TDRD1: variants seen among roughly 807,000 people sequenced by gnomAD.
The protein encoded by TDRD1 is tudor domain containing 1.
A neutral mutation model predicts 140.6 loss-of-function variants in TDRD1; 37 were observed. The observed-to-expected ratio is 0.26, with a 90% confidence interval of 0.20 to 0.35. The LOEUF is 0.35. Ranked by LOEUF, TDRD1 falls within the 10% of genes least tolerant of loss-of-function variation. The pLI is 1.00. For missense variants in TDRD1, 1,243 were observed against 1,393.0 expected (o/e 0.89, Z 1.71); for synonymous variants, 506 against 475.7 (o/e 1.06, Z -0.83).
At chr10:114,208,627 CTG>C in intron 11 of TDRD1, among the ~76,000 whole-genome samples, 1 of 152,270 alleles carries the variant, frequency 6.6e-6, no homozygotes, top group Middle Eastern at 3.4e-3. Flanking sequence ...ATTTATGACA[CTG>C]TAGCTCCTGA....
exon 19 of TDRD1, chr10:114,220,721 T>A (rs781619845): frequency 1.2e-6 from 2 of 1,613,720 alleles, no homozygotes; most frequent in East Asian, 4.5e-5. Context: ...TATCCCAGAA[T>A]AATTAGTGAT....
At chr10:114,206,396 C>CT (rs758442801) in intron 11 of TDRD1, 66 bp downstream of exon 11, 1 of 1,275,546 alleles carries the variant, frequency 7.8e-7, no homozygotes, top group Non-Finnish European at 1.1e-6. Flanking sequence ...ACCTACTAAA[C>CT]AAAGGCACAA....
chr10:114,227,283 G>A (rs924551672), exon 23 of TDRD1: 2 of 1,612,162 alleles, frequency 1.2e-6, no homozygotes, highest in Non-Finnish European at 8.5e-7. Context: ...CTCAAAGGCA[G>A]AGTGCTTTAA....
At chr10:114,187,868 A>C in exon 2 of TDRD1, 1 of 1,602,760 alleles carries the variant, frequency 6.2e-7, no homozygotes, top group Non-Finnish European at 8.5e-7. Context: ...GATGTCAAGA[A>C]ATAATTTGGA....
chr10:114,207,014 G>A, intron 11 of TDRD1, among the ~76,000 whole-genome samples: 1 of 152,186 alleles, frequency 6.6e-6, no homozygotes, highest in East Asian at 1.9e-4. Context: ...TGTTCCAGTA[G>A]GACAGTGTTT....
chr10:114,221,600 A>T, intron 20 of TDRD1, 124 bp downstream of exon 20: 3 of 947,726 alleles, frequency 3.2e-6, no homozygotes, highest in African/African-American at 1.7e-5. Flanking sequence ...GGAAGAACTG[A>T]TCATAACACT....
chr10:114,232,504 CTT>C (rs140805425), downstream of TDRD1, among the ~76,000 whole-genome samples: 25 of 81,674 alleles, frequency 3.1e-4, no homozygotes, highest in East Asian at 4.2e-3. Flanking sequence ...ACTTGAAAGA[CTT>C]TTTTTTTTTT....
At chr10:114,197,444 CCCTATT>C (rs1403396071) in intron 3 of TDRD1, among the ~76,000 whole-genome samples, 5 of 152,078 alleles carry the variant, frequency 3.3e-5, no homozygotes, top group African/African-American at 1.2e-4. Flanking sequence ...TAGGGAGACT[CCCTATT>C]CATTTGTTTC....
Position 114,188,163 on chromosome 10 carries a change from G to A in TDRD1, c.325+7G>A. 1 of 1,560,534 alleles carries A rather than the reference G, an allele frequency of 6.4e-7. No individual in the cohort carries two copies. Among genetic ancestry groups the A allele is most frequent in the Non-Finnish European group, 8.6e-7 (1 of 1,157,316 alleles). ...AGGAAAAAATTGCCAGCAGGTGAGTGAAAACCACAGGCTTCCTACTTCTTC... is the reference window on the plus strand; with the variant it reads ...AGGAAAAAATTGCCAGCAGGTGAGTAAAAACCACAGGCTTCCTACTTCTTC... On this transcript the variant is annotated splice_region_variant and intron_variant, in intron 2 of 25. Transcript: ENST00000251864.
At chr10:114,188,096 C>T (rs1176702293) in exon 2 of TDRD1, 2 of 1,612,002 alleles carry the variant, frequency 1.2e-6, no homozygotes, top group African/African-American at 1.3e-5. Context: ...TTCTTCAAAC[C>T]CGAATGGCAT....
intron 21 of TDRD1, among the ~76,000 whole-genome samples, chr10:114,223,712 G>A (rs1162259060): frequency 1.3e-5 from 2 of 152,056 alleles, no homozygotes; most frequent in African/African-American, 4.8e-5. Context: ...GCTGAGCTGT[G>A]TAGTGTATTA....
Position 114,201,472 on chromosome 10 carries a change from G to C in TDRD1, c.592G>C (p.Asp198His), listed in dbSNP as rs2034734920. ...TTGCTCCACAGCATGTCAAAGAAGA[G>C]ACTGGTCTGCACACAGCATCGTGTG... Residue 198 changes from aspartate (D) to histidine (H), a missense_variant, in exon 5 of 26, where the codon GAC becomes CAC. This residue lies in a region of TDRD1 where 11 missense variants were observed against 30.6 expected (regional missense o/e 0.36). Coordinates refer to ENST00000251864, the Ensembl canonical transcript of TDRD1. 2 of 1,613,834 alleles carry C rather than the reference G, an allele frequency of 1.2e-6. No homozygotes were observed. The highest frequency in any genetic ancestry group is 2.7e-5 in the African/African-American group (2 of 74,888).
intron 2 of TDRD1, among the ~76,000 whole-genome samples, chr10:114,189,921 A>G (rs2033836194): frequency 1.3e-5 from 2 of 152,248 alleles, no homozygotes. Context: ...CTAACGTAAC[A>G]ATATGAAAAG....
chr10:114,176,948 T>C (rs1250454097), upstream of TDRD1, among the ~76,000 whole-genome samples: 1 of 152,046 alleles, frequency 6.6e-6, no homozygotes, highest in African/African-American at 2.4e-5. The surrounding 1 kb of genome is among the most constrained non-coding windows in gnomAD (Gnocchi z 4.2). Flanking sequence ...CAGAAAGTAA[T>C]AAAGTGCTTA....
intron 3 of TDRD1, among the ~76,000 whole-genome samples, chr10:114,193,339 C>G (rs980444395): frequency 7.5e-6 from 1 of 133,490 alleles, no homozygotes; most frequent in Non-Finnish European, 1.5e-5. Flanking sequence ...GTTGTCCAGG[C>G]TGGACTGCAG....
chr10:114,227,264 A>T (rs2036490314), exon 23 of TDRD1: 1 of 1,613,916 alleles, frequency 6.2e-7, no homozygotes, highest in Non-Finnish European at 8.5e-7. Flanking sequence ...CTGGCAAAAA[A>T]CATCACACCT....
At position 114,210,947 on chromosome 10, in the gene TDRD1, T is replaced by C. The variant is rs778674178; in HGVS notation, c.1640T>C (p.Ile547Thr). Residue 547 changes from isoleucine to threonine, a missense_variant, in exon 13 of 26, where the codon ATA becomes ACA. This residue lies in a region of TDRD1 where 392 missense variants were observed against 394.1 expected (regional missense o/e 0.99). Transcript: ENST00000251864. Reference sequence around the variant, plus strand: ...GATTTTTATCCAGCCATTGGTGATATATGTTGTGCTCAGTTCTCAGGTAAG... The same window carrying C: ...GATTTTTATCCAGCCATTGGTGATACATGTTGTGCTCAGTTCTCAGGTAAG... 8 of 1,613,934 alleles carry C rather than the reference T, an allele frequency of 5.0e-6. No homozygotes were observed. The East Asian group carries it at 6.7e-5, about 13-fold the overall frequency.
chr10:114,221,412 A>G lies in TDRD1; in HGVS notation c.2826A>G (p.Ile942Met), dbSNP rs760316275. 4 of 1,613,486 alleles carry G rather than the reference A, an allele frequency of 2.5e-6. No individual in the cohort carries two copies. The East Asian group carries it at 8.9e-5, about 36-fold the overall frequency. Residue 942 changes from isoleucine to methionine, a missense_variant, in exon 20 of 26, where the codon ATA becomes ATG. Physicochemically the swap from Ile to Met is conservative, Grantham distance 10 (BLOSUM62 1). Around this residue, in one of 5 missense-constraint regions of TDRD1, gnomAD observed 601 missense variants for 734.7 expected, o/e 0.82. Coordinates refer to ENST00000251864, the Ensembl canonical transcript of TDRD1. ...TAGAATTGCCAGTGGATAAAACTAT[A>G]CAAGCAAATGTATTAGAAATCATAA...
Position 114,220,561 on chromosome 10 carries a change from T to G in TDRD1, c.2495-7T>G. On this transcript the variant is annotated splice_polypyrimidine_tract_variant and splice_region_variant and intron_variant, in intron 18 of 25. Coordinates refer to ENST00000251864, the Ensembl canonical transcript of TDRD1. ...GGATTCTTTTTACTGCTGTCCTTAT[T>G]TTCTAGATATACAGTCTAGAAACAA... The G allele has an allele frequency of 6.2e-7, 1 of 1,605,702 alleles. No individual in the cohort carries two copies. The highest frequency in any genetic ancestry group is 8.5e-7 in the Non-Finnish European group (1 of 1,173,478).
Sources: allele counts gnomAD v4.1 joint callset (sites outside exome capture counted in the v4.1 genomes callset), GRCh38; gene constraint gnomAD v4.1.1; regional missense constraint gnomAD v4.1.1; non-coding constraint Gnocchi (gnomAD v3.1); transcripts MANE v1.5; gene names NCBI Gene and HGNC (gene_info 2026-07-23, HGNC 2026-07-21).